The following NOX1 variants were observed in gnomAD, a reference collection of about 807,000 sequenced individuals.
NOX1 encodes NADH/NADPH mitogenic oxidase subunit P65-MOX.
A neutral mutation model predicts 42.5 loss-of-function variants in NOX1; 34 were observed. That is an observed-to-expected ratio of 0.80 (90% confidence interval 0.61 to 1.07). The LOEUF (loss-of-function observed/expected upper bound fraction) is 1.07. Among genes scored for constraint, NOX1 ranks in the 50% least tolerant of loss-of-function variants. The pLI, the probability that NOX1 is intolerant of heterozygous loss-of-function variation, is 0.00. For missense variants in NOX1, 408 were observed against 427.0 expected (o/e 0.96, Z 0.39); for synonymous variants, 143 against 152.5 (o/e 0.94, Z 0.46).
rs979921478 is a variant in NOX1, at chrX:100,863,656, A to G, written c.142-61T>C. ...TCATTTCACCATCTAGCACGTGAGC[A>G]ACTGACCCAGCCCACTCATCTGAGG... On this transcript the variant is annotated intron_variant, in intron 2 of 12. Coordinates refer to ENST00000372966, the MANE Select transcript of NOX1 (RefSeq NM_007052.5). 2.6e-6 allele frequency: 3 copies of G among 1,149,338 alleles called. No homozygotes were observed. In the African/African-American group the frequency reaches 5.4e-5, roughly 21 times the overall value. The allele number at this position is 1,149,338 out of a possible 1,213,427, so 94.7% of individuals were successfully genotyped here. A position where few individuals can be genotyped will look rare whatever the true frequency, so the allele number is the denominator to read the frequency against.
chrX:100,861,759 T>C (rs1457111643), intron 7 of NOX1, among the ~76,000 whole-genome samples: 1 of 112,128 alleles, frequency 8.9e-6, no homozygotes, highest in Non-Finnish European at 1.9e-5. Flanking sequence ...CTGTAAGAGC[T>C]TGTCAGTTTA....
At chrX:100,851,763 A>C (rs1474972845) in intron 7 of NOX1, among the ~76,000 whole-genome samples, 1 of 110,866 alleles carries the variant, frequency 9.0e-6, no homozygotes, top group Non-Finnish European at 1.9e-5. Flanking sequence ...AAATACAAAA[A>C]ATTAGCTGCG....
intron 7 of NOX1, among the ~76,000 whole-genome samples, chrX:100,860,389 T>C (rs1274255799): frequency 1.8e-5 from 2 of 112,335 alleles, no homozygotes; most frequent in African/African-American, 6.5e-5. Flanking sequence ...TACAAGCAGT[T>C]GTATAGGTTT....
At chrX:100,861,664 C>T (rs1345850518) in intron 7 of NOX1, among the ~76,000 whole-genome samples, 1 of 111,486 alleles carries the variant, frequency 9.0e-6, no homozygotes, top group African/African-American at 3.3e-5. Context: ...AATATCACGG[C>T]TGAGCTTTGG....
At chrX:100,850,130 C>G (rs1195999344) in intron 9 of NOX1, 21 bp downstream of exon 9, 2 of 1,160,173 alleles carry the variant, frequency 1.7e-6, no homozygotes, top group African/African-American at 3.5e-5. Flanking sequence ...GTCTGGGACT[C>G]TCCTGGTCTC....
chrX:100,871,584 C>G (rs949686423), intron 1 of NOX1, among the ~76,000 whole-genome samples: 1 of 111,888 alleles, frequency 8.9e-6, no homozygotes, highest in East Asian at 2.8e-4. Flanking sequence ...TTTTTGAGCT[C>G]TTAAGACTGC....
chrX:100,850,022 T>C (rs1327333675), intron 9 of NOX1, 88 bp from the exon 10 acceptor site: 13 of 1,004,322 alleles, frequency 1.3e-5, no homozygotes, highest in Non-Finnish European at 1.8e-5. Flanking sequence ...GTTGTTCTCA[T>C]GGCTGACTTC....
At chrX:100,847,353 T>A (rs1379555338) in intron 12 of NOX1, among the ~76,000 whole-genome samples, 1 of 111,736 alleles carries the variant, frequency 8.9e-6, no homozygotes, top group Admixed American at 9.5e-5. Flanking sequence ...TGCATTATTC[T>A]GCTTTGAGGT....
At chrX:100,862,045 T>C in intron 7 of NOX1, 126 bp downstream of exon 7, 1 of 776,153 alleles carries the variant, frequency 1.3e-6, no homozygotes, top group Non-Finnish European at 1.8e-6. Context: ...CCCATAGATA[T>C]CCTTCATAAG....
intron 7 of NOX1, 57 bp downstream of exon 7, chrX:100,862,111 TAAG>T: frequency 9.0e-7 from 1 of 1,106,584 alleles, no homozygotes; most frequent in Non-Finnish European, 1.2e-6. Context: ...AGAGTAATAA[TAAG>T]AATAATAACA....
intron 12 of NOX1, among the ~76,000 whole-genome samples, chrX:100,846,137 G>A (rs1294425839): frequency 9.0e-6 from 1 of 110,803 alleles, no homozygotes; most frequent in East Asian, 2.9e-4. Context: ...TGGCCAGGCT[G>A]GTCTTGAACT....
intron 2 of NOX1, among the ~76,000 whole-genome samples, chrX:100,866,178 C>T (rs760137624): frequency 1.9e-5 from 2 of 106,444 alleles, no homozygotes; most frequent in South Asian, 4.2e-4. Context: ...GCAGAGATTG[C>T]GCCACTGCAC....
At chrX:100,868,927 C>G (rs1406310582) in intron 2 of NOX1, among the ~76,000 whole-genome samples, 1 of 110,440 alleles carries the variant, frequency 9.1e-6, no homozygotes, top group Non-Finnish European at 1.9e-5. Context: ...AATCCTTTCC[C>G]CATTGCTTGT....
In NOX1 at chrX:100,848,689, G is replaced by A. The variant is rs1376100396; in HGVS notation, c.1509C>T (p.Thr503=). ...TDIVTGLKQK[T]SFGRPMWDNE... is the part of the protein sequence containing the mutation. The stretch of plus-strand genomic sequence containing the variant: ...TGTCCCACATTGGTCTCCCAAAGGA[G>A]GTTTTCTGTTTCAGACCTGTCACGA... Residue 503 remains threonine (T), a synonymous_variant, in exon 12 of 13, where the codon ACC becomes ACT. Transcript: ENST00000372966. The A allele has an allele frequency of 8.3e-7, 1 of 1,209,767 alleles. No homozygotes were observed. The highest frequency in any genetic ancestry group is 1.7e-5 in the African/African-American group (1 of 57,910).
At chrX:100,849,590 A>G (rs1233937941) in intron 10 of NOX1, among the ~76,000 whole-genome samples, 164 bp from the exon 11 acceptor site, 1 of 112,182 alleles carries the variant, frequency 8.9e-6, no homozygotes, top group African/African-American at 3.2e-5. Context: ...TCCAAATTGA[A>G]AAGAAGACCC....
chrX:100,870,516 C>T (rs2085267523), intron 2 of NOX1, among the ~76,000 whole-genome samples: 1 of 111,479 alleles, frequency 9.0e-6, no homozygotes, highest in African/African-American at 3.3e-5. Context: ...TTTTAGTATA[C>T]CTGTGTTTCA....
chrX:100,869,210 A>T (rs1034844618), intron 2 of NOX1, among the ~76,000 whole-genome samples: 1 of 111,259 alleles, frequency 9.0e-6, no homozygotes, highest in Non-Finnish European at 1.9e-5. Flanking sequence ...AGGCATTGGT[A>T]GCTTGATGGG....
chrX:100,844,579 C>T (rs944470866), intron 12 of NOX1, among the ~76,000 whole-genome samples: 4 of 111,354 alleles, frequency 3.6e-5, no homozygotes, highest in Admixed American at 9.5e-5. Context: ...ACTACAGGCA[C>T]GCACCAGCAT....
chrX:100,863,036 A>T lies in NOX1; in HGVS notation c.337+123T>A. The T allele has an allele frequency of 4.8e-6, 3 of 625,075 alleles. No homozygotes were observed. In the East Asian group the frequency reaches 9.7e-5, roughly 20 times the overall value. The allele number at this position is 625,075 out of a possible 1,213,427, so 51.5% of individuals were successfully genotyped here. A position where few individuals can be genotyped will look rare whatever the true frequency, so the allele number is the denominator to read the frequency against. On this transcript the variant is annotated intron_variant, in intron 4 of 12. Transcript: ENST00000372966. Reference sequence around the variant, plus strand: ...TAAGCTCCATGAAAACAGGCCAAGAACAGTGCCTGACAAATAGTGCCCAGT... The same window carrying T: ...TAAGCTCCATGAAAACAGGCCAAGATCAGTGCCTGACAAATAGTGCCCAGT...
Sources: allele counts gnomAD v4.1 joint callset (sites outside exome capture counted in the v4.1 genomes callset), GRCh38; gene constraint gnomAD v4.1.1; transcripts MANE v1.5; gene names NCBI Gene and HGNC (gene_info 2026-07-23, HGNC 2026-07-21).